DLG2: variants seen among roughly 807,000 people sequenced by gnomAD.
DLG2 encodes disks large homolog 2.
In DLG2, 45 loss-of-function variants were observed where a neutral mutation model predicts 132.5. That is an observed-to-expected ratio of 0.34 (90% confidence interval 0.27 to 0.44). The LOEUF (loss-of-function observed/expected upper bound fraction) is 0.44. Ranked by LOEUF, DLG2 falls within the 20% of genes least tolerant of loss-of-function variation. The pLI is 1.00. For missense variants in DLG2, 1,045 were observed against 1,196.9 expected, an observed-to-expected ratio of 0.87 and a Z score of 1.87; for synonymous variants, 424 against 419.6, an observed-to-expected ratio of 1.01 and a Z score of -0.13.
intron 11 of DLG2, among the ~76,000 whole-genome samples, chr11:83,998,950 T>C (rs114911493): frequency 0.011 from 1,715 of 152,258 alleles, 30 homozygotes; most frequent in African/African-American, 0.038. Context: ...TATTGGGGAC[T>C]GAAGCATAAG....
chr11:84,756,544 T>A (rs1194320735), intron 6 of DLG2, among the ~76,000 whole-genome samples: 2 of 152,178 alleles, frequency 1.3e-5, no homozygotes, highest in East Asian at 3.9e-4. Context: ...GCTTAAAATT[T>A]CCAGAAAAAT....
chr11:85,086,706 G>GCATA (rs2067976208), intron 6 of DLG2, among the ~76,000 whole-genome samples: 1 of 152,150 alleles, frequency 6.6e-6, no homozygotes, highest in African/African-American at 2.4e-5. Context: ...ATTACTATGT[G>GCATA]CATACATACA....
intron 11 of DLG2, among the ~76,000 whole-genome samples, chr11:84,044,100 C>T (rs2096178049): frequency 6.6e-6 from 1 of 151,640 alleles, no homozygotes; most frequent in Non-Finnish European, 1.5e-5. Context: ...GCTCTGGAGC[C>T]AGACACCAGT....
chr11:83,686,302 A>T (rs1393023897), intron 18 of DLG2, among the ~76,000 whole-genome samples: 1 of 152,146 alleles, frequency 6.6e-6, no homozygotes, highest in Non-Finnish European at 1.5e-5. Flanking sequence ...TCCTGTATAG[A>T]ACAGCATCCT....
At chr11:83,548,220 G>T (rs1391858644) in intron 19 of DLG2, among the ~76,000 whole-genome samples, 3 of 152,062 alleles carry the variant, frequency 2.0e-5, no homozygotes, top group African/African-American at 7.2e-5. Flanking sequence ...AGATGTTCAC[G>T]CCTGAATCTC....
chr11:84,949,937 G>A (rs1166028083), intron 6 of DLG2, among the ~76,000 whole-genome samples: 2 of 152,174 alleles, frequency 1.3e-5, no homozygotes, highest in Non-Finnish European at 2.9e-5. Context: ...TACAATTTAT[G>A]TTTAGAGACT....
intron 18 of DLG2, among the ~76,000 whole-genome samples, chr11:83,757,287 G>A (rs747995114): frequency 1.3e-5 from 2 of 152,142 alleles, no homozygotes; most frequent in African/African-American, 4.8e-5. Context: ...ATACTGCTTT[G>A]GTTCTTACTG....
At chr11:84,573,225 AT>A (rs1371819449) in intron 6 of DLG2, among the ~76,000 whole-genome samples, 4 of 151,986 alleles carry the variant, frequency 2.6e-5, no homozygotes, top group Non-Finnish European at 5.9e-5. Context: ...AGCTAAGTAA[AT>A]TTTTTTCATT....
At chr11:83,931,360 C>G (rs2080178294) in intron 14 of DLG2, among the ~76,000 whole-genome samples, 1 of 152,170 alleles carries the variant, frequency 6.6e-6, no homozygotes, top group South Asian at 2.1e-4. Context: ...TCTTTTAGAT[C>G]ATAAAACATT....
chr11:84,365,871 CA>C (rs1444458815), intron 7 of DLG2, among the ~76,000 whole-genome samples: 1 of 151,942 alleles, frequency 6.6e-6, no homozygotes, highest in Non-Finnish European at 1.5e-5. Flanking sequence ...AGAATGGAAC[CA>C]AGTTGGAAAA....
chr11:84,239,167 T>G (rs2097195571), intron 8 of DLG2, among the ~76,000 whole-genome samples: 1 of 152,148 alleles, frequency 6.6e-6, no homozygotes, highest in African/African-American at 2.4e-5. Flanking sequence ...TTTATGGAAT[T>G]TATTTATTTT....
intron 19 of DLG2, chr11:83,631,081 T>C (rs2063464126): frequency 6.6e-6 from 1 of 151,606 alleles, no homozygotes; most frequent in African/African-American, 2.4e-5. Context: ...GAAAATCCTG[T>C]AGCCAAAATT....
intron 3 of DLG2, among the ~76,000 whole-genome samples, chr11:85,438,087 A>T (rs1170345132): frequency 6.6e-6 from 1 of 152,150 alleles, no homozygotes; most frequent in Non-Finnish European, 1.5e-5. Flanking sequence ...GCCAAGGGGG[A>T]TGAGGCACTA....
At chr11:83,589,230 C>G (rs1164577748) in intron 19 of DLG2, among the ~76,000 whole-genome samples, 1 of 151,732 alleles carries the variant, frequency 6.6e-6, no homozygotes, top group Non-Finnish European at 1.5e-5. Context: ...ATGTTAAGGG[C>G]AGCCAGAGAG....
intron 6 of DLG2, chr11:84,545,433 C>T (rs2099387693): frequency 2.2e-6 from 1 of 462,040 alleles, no homozygotes; most frequent in South Asian, 1.7e-5. Flanking sequence ...ACTGAAGATT[C>T]CTCCACAATC....
At chr11:84,625,087 C>T (rs909231228) in intron 6 of DLG2, among the ~76,000 whole-genome samples, 1 of 151,394 alleles carries the variant, frequency 6.6e-6, no homozygotes, top group East Asian at 1.9e-4. Flanking sequence ...GTCTCGATCT[C>T]CTGACCTCGT....
intron 18 of DLG2, among the ~76,000 whole-genome samples, chr11:83,738,107 G>A (rs937705252): frequency 6.6e-6 from 1 of 152,122 alleles, no homozygotes; most frequent in East Asian, 1.9e-4. Flanking sequence ...TGATCCTTCT[G>A]TGAGAAAAGG....
chr11:84,375,669 A>AT (rs11371352), intron 7 of DLG2, among the ~76,000 whole-genome samples: 9,294 of 148,010 alleles, frequency 0.063, 818 homozygotes, highest in African/African-American at 0.2. Flanking sequence ...CAACTGGAAT[A>AT]TTTTTTTTTT....
intron 3 of DLG2, among the ~76,000 whole-genome samples, chr11:85,295,429 G>A (rs2079154319): frequency 6.6e-6 from 1 of 152,064 alleles, no homozygotes; most frequent in Admixed American, 6.6e-5. Flanking sequence ...GTGTTTAGTT[G>A]TACTTTGTAA....
Sources: allele counts gnomAD v4.1 joint callset (sites outside exome capture counted in the v4.1 genomes callset), GRCh38; gene constraint gnomAD v4.1.1; transcripts MANE v1.5; gene names NCBI Gene and HGNC (gene_info 2026-07-23, HGNC 2026-07-21).